Variants in TYR observed in about 807,000 individuals in gnomAD.
TYR encodes tyrosinase, also known as LB24-AB.
In TYR, 58 loss-of-function variants were observed where a neutral mutation model predicts 51.5. The observed-to-expected ratio is 1.13, with a 90% CI of 0.91 to 1.40. TYR has a LOEUF of 1.40. TYR is among the 40% of genes most tolerant of loss of function. The pLI is 0.00. For synonymous variants in TYR, 263 were observed against 235.2 expected, an observed-to-expected ratio of 1.12 and a Z score of -1.08; for missense variants, 732 against 647.4, an observed-to-expected ratio of 1.13 and a Z score of -1.42.
intron 2 of TYR, among the ~76,000 whole-genome samples, chr11:89,201,280 T>C (rs1943595539): frequency 6.6e-6 from 1 of 152,160 alleles, no homozygotes; most frequent in African/African-American, 2.4e-5. Flanking sequence ...ACTTGCTTTG[T>C]TCACATAAGA....
intron 3 of TYR, among the ~76,000 whole-genome samples, chr11:89,246,420 G>T (rs544395411): frequency 1.7e-4 from 26 of 152,220 alleles, no homozygotes; most frequent in African/African-American, 6.3e-4. Context: ...ACTAGCTCCT[G>T]TAAAGAGCTA....
chr11:89,199,478 G>A (rs988620018), intron 2 of TYR, among the ~76,000 whole-genome samples: 2 of 152,128 alleles, frequency 1.3e-5, no homozygotes, highest in Non-Finnish European at 2.9e-5. Flanking sequence ...AAGATTCACT[G>A]GAAAGAGAGA....
chr11:89,198,443 G>A (rs1348685860), intron 2 of TYR, among the ~76,000 whole-genome samples: 1 of 151,996 alleles, frequency 6.6e-6, no homozygotes, highest in Non-Finnish European at 1.5e-5. Context: ...TTTGAAAGAT[G>A]ATTGCCAGAC....
At chr11:89,245,315 A>T (rs1364331639) in intron 3 of TYR, among the ~76,000 whole-genome samples, 2 of 152,226 alleles carry the variant, frequency 1.3e-5, no homozygotes, top group African/African-American at 4.8e-5. Context: ...CATCACATGA[A>T]TTGACTCATT....
chr11:89,196,533 G>C (rs762687492), intron 2 of TYR, among the ~76,000 whole-genome samples: 35 of 152,210 alleles, frequency 2.3e-4, no homozygotes, highest in Non-Finnish European at 3.8e-4. Context: ...CTGACAGACT[G>C]ATAAATCAAT....
chr11:89,186,554 C>G (rs569626370), intron 1 of TYR, among the ~76,000 whole-genome samples: 1 of 152,216 alleles, frequency 6.6e-6, no homozygotes, highest in Non-Finnish European at 1.5e-5. Context: ...CTCTCCATCC[C>G]TGGTGGGGTC....
At chr11:89,190,341 G>T (rs1036667118) in intron 1 of TYR, among the ~76,000 whole-genome samples, 1 of 152,082 alleles carries the variant, frequency 6.6e-6, no homozygotes, top group Non-Finnish European at 1.5e-5. Context: ...TGTGGAGGTG[G>T]AAGACAATGA....
Position 89,193,157 on chromosome 11 carries a change from C to T in TYR, c.1036+1739C>T, listed in dbSNP as rs572350025. Among the ~76,000 whole-genome samples, 13 of 152,294 alleles carry T rather than the reference C, an allele frequency of 8.5e-5. No individual in the cohort carries two copies. In the East Asian group the frequency reaches 2.1e-3, roughly 25 times the overall value. On this transcript the variant is annotated intron_variant, in intron 2 of 4. Transcript: ENST00000263321. Reference sequence around the variant, plus strand: ...GACTCTTCAGGGATTAACAACAGTACTCAGAATGCTGATATTAATGACATT... The same window carrying T: ...GACTCTTCAGGGATTAACAACAGTATTCAGAATGCTGATATTAATGACATT...
At chr11:89,197,713 T>A (rs1260119354) in intron 2 of TYR, among the ~76,000 whole-genome samples, 2 of 151,928 alleles carry the variant, frequency 1.3e-5, no homozygotes, top group African/African-American at 4.8e-5. Flanking sequence ...TTGGTTAGTA[T>A]ACAGAATCAG....
chr11:89,179,966 T>G (rs894411635), intron 1 of TYR, among the ~76,000 whole-genome samples: 1 of 152,198 alleles, frequency 6.6e-6, no homozygotes, highest in African/African-American at 2.4e-5. Context: ...GGGAAGAATC[T>G]TGCACTCAAT....
At chr11:89,219,718 T>C (rs1208222091) in intron 2 of TYR, among the ~76,000 whole-genome samples, 1 of 152,156 alleles carries the variant, frequency 6.6e-6, no homozygotes, top group Non-Finnish European at 1.5e-5. Flanking sequence ...TTGGGTCTTA[T>C]ACAATATCTT....
At chr11:89,258,273 G>A (rs1343082732) in intron 3 of TYR, among the ~76,000 whole-genome samples, 2 of 151,728 alleles carry the variant, frequency 1.3e-5, no homozygotes, top group East Asian at 1.9e-4. Context: ...AAGTAGTGAA[G>A]GAGAAAAATT....
chr11:89,284,260 T>C (rs901498614), intron 3 of TYR, among the ~76,000 whole-genome samples: 1 of 151,778 alleles, frequency 6.6e-6, no homozygotes, highest in African/African-American at 2.4e-5. Context: ...TAAACCATTG[T>C]CATTGGAGGT....
chr11:89,218,668 TACTTTTCTAAAA>T (rs1267713349), intron 2 of TYR, among the ~76,000 whole-genome samples: 4 of 152,216 alleles, frequency 2.6e-5, no homozygotes, highest in African/African-American at 9.6e-5. Flanking sequence ...ACTACAATCC[TACTTTTCTAAAA>T]ACTTTTCACG....
In TYR at chr11:89,178,085, T is replaced by C; in HGVS notation, c.132T>C (p.Ser44=). 2 of 1,614,060 alleles carry C rather than the reference T, an allele frequency of 1.2e-6. No homozygotes were observed. The highest frequency in any genetic ancestry group is 1.7e-6 in the Non-Finnish European group (2 of 1,180,008). ...GTCCACCGTGGAGCGGGGACAGGAG[T>C]CCCTGTGGCCAGCTTTCAGGCAGAG... ...ECCPPWSGDR[S]PCGQLSGRGS... is the part of the protein sequence containing the mutation. The change falls in exon 1 of 5, where the codon AGT becomes AGC. Residue 44 remains serine, a synonymous_variant. Coordinates refer to ENST00000263321, the MANE Select transcript of TYR (RefSeq NM_000372.5).
intron 2 of TYR, among the ~76,000 whole-genome samples, chr11:89,222,256 C>A (rs1943921434): frequency 6.6e-6 from 1 of 152,270 alleles, no homozygotes; most frequent in Non-Finnish European, 1.5e-5. Context: ...TGCAGTGCAA[C>A]CCTGGTCACA....
chr11:89,204,921 T>C (rs1943651801), intron 2 of TYR, among the ~76,000 whole-genome samples: 1 of 152,108 alleles, frequency 6.6e-6, no homozygotes, highest in Admixed American at 6.6e-5. Flanking sequence ...TTGTGGTTTT[T>C]GCCATTGAAC....
chr11:89,190,415 C>T (rs566870366), intron 1 of TYR, among the ~76,000 whole-genome samples: 74 of 151,984 alleles, frequency 4.9e-4, no homozygotes, highest in South Asian at 6.3e-4. Context: ...CAGTTTTTAA[C>T]GAAATTTCAA....
At chr11:89,231,046 A>T (rs1398832581) in intron 3 of TYR, among the ~76,000 whole-genome samples, 1 of 151,274 alleles carries the variant, frequency 6.6e-6, no homozygotes, top group Non-Finnish European at 1.5e-5. Context: ...TGGCAGACGC[A>T]TGTAATCCCA....
Sources: gnomAD v4.1 joint callset for allele counts (sites outside exome capture counted in the v4.1 genomes callset) on GRCh38, gnomAD v4.1.1 for gene constraint, MANE v1.5 for transcripts, NCBI Gene and HGNC (gene_info 2026-07-23, HGNC 2026-07-21) for gene names.